The following ARHGAP39 variants were observed in gnomAD, a reference collection of about 807,000 sequenced individuals.
ARHGAP39 encodes the protein rho GTPase-activating protein 39.
Under a neutral mutation model 106.9 loss-of-function variants are expected in ARHGAP39, and 44 were observed. The observed-to-expected ratio is 0.41, with a 90% CI of 0.32 to 0.53. The LOEUF is 0.53. Among genes scored for constraint, ARHGAP39 ranks in the 20% least tolerant of loss-of-function variants. The pLI, the probability that ARHGAP39 is intolerant of heterozygous loss-of-function variation, is 0.21. For missense variants in ARHGAP39, 1,496 were observed against 1,577.3 expected (o/e 0.95, Z 0.87); for synonymous variants, 768 against 693.2 (o/e 1.11, Z -1.69).
chr8:144,588,514 G>T (rs1213104086), intron 2 of ARHGAP39, among the ~76,000 whole-genome samples: 2 of 152,238 alleles, frequency 1.3e-5, no homozygotes, highest in African/African-American at 2.4e-5. Context: ...GCCGTATGCA[G>T]CAGGGACAGA....
chr8:144,570,564 C>G (rs911459001), intron 3 of ARHGAP39, among the ~76,000 whole-genome samples: 1 of 152,160 alleles, frequency 6.6e-6, no homozygotes, highest in African/African-American at 2.4e-5. Context: ...CGATTCCAAA[C>G]TTACGAGTGA....
At position 144,555,687 on chromosome 8, in the gene ARHGAP39, C is replaced by T. The variant is rs115967204; in HGVS notation, c.513-44G>A. 2.2e-3 allele frequency: 3,427 copies of T among 1,545,978 alleles called. 72 individuals are homozygous for T. The African/African-American group carries it at 0.04, about 18-fold the overall frequency. On this transcript the variant is annotated intron_variant, in intron 3 of 11. Transcript: ENST00000377307. ...AAAGAAATATGAATATAAGTGCAAT[C>T]GTTTACCATAACCAGCCACTCCCTG...
rs1821399073 is a variant in ARHGAP39, at chr8:144,644,648, G to A, written c.-81-38953C>T. ...CTCTGAGTCACTTGAAGCGGCATCC[G>A]AGGCCTTCTCTCACTACAGGCCCTT... On this transcript the variant is annotated intron_variant, in intron 1 of 11. Coordinates refer to ENST00000377307, the MANE Select transcript of ARHGAP39 (RefSeq NM_025251.3). This position sits in a 1 kb window ranked among gnomAD's most constrained non-coding sequence, Gnocchi z 4.8. Among the ~76,000 whole-genome samples, 1 of 152,160 alleles carries A rather than the reference G, an allele frequency of 6.6e-6. No individual in the cohort carries two copies. Among genetic ancestry groups the A allele is most frequent in the South Asian group, 2.1e-4 (1 of 4,824 alleles).
intron 1 of ARHGAP39, among the ~76,000 whole-genome samples, chr8:144,621,710 C>G (rs559430134): frequency 6.6e-6 from 1 of 152,302 alleles, no homozygotes; most frequent in African/African-American, 2.4e-5. Flanking sequence ...CCCAGCTACT[C>G]AGGAGGCTGA....
the ARHGAP39 span, among the ~76,000 whole-genome samples, chr8:144,697,173 G>A: frequency 6.6e-6 from 1 of 151,902 alleles, no homozygotes; most frequent in Admixed American, 6.6e-5. Flanking sequence ...AAAAATACAA[G>A]AAAATTAGCC....
Position 144,555,598 on chromosome 8 carries a change from G to A in ARHGAP39, c.558C>T (p.Tyr186=). The part of the protein sequence containing the change: ...GVFLEKDYEI[Y]RDYSADGQLL... Reference sequence around the variant, plus strand: ...GCTGGCCGTCCGCACTGTAATCCCGGTAAATCTCATAGTCCTTCTCAAGGA... The same window carrying A: ...GCTGGCCGTCCGCACTGTAATCCCGATAAATCTCATAGTCCTTCTCAAGGA... The change falls in exon 4 of 12, where the codon TAC becomes TAT. Residue 186 remains tyrosine, a synonymous_variant. Transcript: ENST00000377307. The A allele has an allele frequency of 1.2e-6, 2 of 1,614,036 alleles. No homozygotes were observed. Among genetic ancestry groups the A allele is most frequent in the Non-Finnish European group, 1.7e-6 (2 of 1,180,022 alleles).
chr8:144,555,758 G>A lies in ARHGAP39; in HGVS notation c.513-115C>T, dbSNP rs1263688681. ...CACCTCAATTTCCTGGAAATAACCT[G>A]GCTCCTGCCCCCAGGCTGTATTCTT... On this transcript the variant is annotated intron_variant, in intron 3 of 11. Coordinates refer to ENST00000377307, the MANE Select transcript of ARHGAP39 (RefSeq NM_025251.3). 4.3e-5 allele frequency: 38 copies of A among 883,188 alleles called. No homozygotes were observed. In the Admixed American group the frequency reaches 7.2e-4, roughly 17 times the overall value. The allele number at this position is 883,188 out of a possible 1,614,324, so 54.7% of individuals were successfully genotyped here.
At chr8:144,685,143 G>A (rs1231177514) in intron 1 of ARHGAP39, among the ~76,000 whole-genome samples, 2 of 149,662 alleles carry the variant, frequency 1.3e-5, no homozygotes, top group African/African-American at 5.0e-5. Flanking sequence ...CTAGGGCCGG[G>A]CACACTCACA....
At chr8:144,599,798 G>C (rs556477401) in intron 2 of ARHGAP39, among the ~76,000 whole-genome samples, 1 of 152,346 alleles carries the variant, frequency 6.6e-6, no homozygotes, top group South Asian at 2.1e-4. Flanking sequence ...GTGCACATGA[G>C]GGAATGCAAA....
intron 4 of ARHGAP39, among the ~76,000 whole-genome samples, chr8:144,549,274 C>G (rs1817605507): frequency 6.6e-6 from 1 of 152,262 alleles, no homozygotes; most frequent in Non-Finnish European, 1.5e-5. Flanking sequence ...GCCTGCTGTG[C>G]AGGGCGCTGG....
At chr8:144,546,940 C>T (rs1258680471) in intron 5 of ARHGAP39, among the ~76,000 whole-genome samples, 187 bp downstream of exon 5, 3 of 152,224 alleles carry the variant, frequency 2.0e-5, no homozygotes, top group East Asian at 1.9e-4. Flanking sequence ...GGGGCCTCCT[C>T]GTGGACTCCC....
chr8:144,589,585 G>A (rs940257783), intron 2 of ARHGAP39, among the ~76,000 whole-genome samples: 1 of 152,220 alleles, frequency 6.6e-6, no homozygotes, highest in Non-Finnish European at 1.5e-5. Context: ...CTCTGCCCTA[G>A]GGACTCCCGT....
At chr8:144,602,878 G>A (rs1345665756) in intron 2 of ARHGAP39, among the ~76,000 whole-genome samples, 5 of 138,344 alleles carry the variant, frequency 3.6e-5, no homozygotes, top group South Asian at 2.5e-4. Flanking sequence ...GTGCATGTGT[G>A]TGGTGTGTGT....
At chr8:144,600,002 C>T (rs979567526) in intron 2 of ARHGAP39, among the ~76,000 whole-genome samples, 18 of 152,300 alleles carry the variant, frequency 1.2e-4, no homozygotes, top group Admixed American at 9.2e-4. Context: ...ACTGGGGCAC[C>T]GTGTGTGCTC....
rs1347660322 is a variant in ARHGAP39 at position 144,591,917 on chromosome 8, G to GGGGAGTGGTGCCTGCA, written c.81-10656_81-10641dup. Reference sequence around the variant, plus strand: ...GCTGCCTGTGGGGAGTGGTGCCTGTGGGGAGTGGTGCCTGCAGGGAGTGGT... The same window carrying GGGGAGTGGTGCCTGCA: ...GCTGCCTGTGGGGAGTGGTGCCTGTGGGGAGTGGTGCCTGCAGGGAGTGGTGCCTGCAGGGAGTGGT... On this transcript the variant is annotated intron_variant, in intron 2 of 11. Coordinates refer to ENST00000377307, the MANE Select transcript of ARHGAP39 (RefSeq NM_025251.3). This position sits in a 1 kb window ranked among gnomAD's most constrained non-coding sequence, Gnocchi z 5.3. 2.0e-5 allele frequency among the ~76,000 whole-genome samples: 3 copies of GGGGAGTGGTGCCTGCA among 152,150 alleles called. No homozygotes were observed. The highest frequency in any genetic ancestry group is 2.1e-4 in the South Asian group (1 of 4,810).
At position 144,586,734 on chromosome 8, in the gene ARHGAP39, A is replaced by G. The variant is rs2130908586; in HGVS notation, c.81-5457T>C. ...GCCCAGGGAAGGGGGCCTGGATGACAGCCCAGAAGCAGAAGTGTCCCCAGG... is the reference window on the plus strand; with the variant it reads ...GCCCAGGGAAGGGGGCCTGGATGACGGCCCAGAAGCAGAAGTGTCCCCAGG... On this transcript the variant is annotated intron_variant, in intron 2 of 11. Transcript: ENST00000377307. The surrounding 1 kb of genome is among the most constrained non-coding windows in gnomAD (Gnocchi z 4.2). 6.6e-6 allele frequency among the ~76,000 whole-genome samples: 1 copy of G among 152,348 alleles called. No individual in the cohort carries two copies.
intron 1 of ARHGAP39, among the ~76,000 whole-genome samples, chr8:144,620,126 C>T (rs187172859): frequency 1.9e-4 from 19 of 98,474 alleles, no homozygotes; most frequent in East Asian, 1.4e-3. Flanking sequence ...TGCCCGTGTG[C>T]GTGTGAGCCT....
chr8:144,535,324 A>G (rs1564834303), intron 7 of ARHGAP39, among the ~76,000 whole-genome samples: 1 of 150,884 alleles, frequency 6.6e-6, no homozygotes, highest in East Asian at 1.9e-4. Flanking sequence ...ACCAAAATGA[A>G]TTTTTTTTTT....
intron 3 of ARHGAP39, among the ~76,000 whole-genome samples, chr8:144,559,074 G>A (rs1254631717): frequency 6.6e-5 from 10 of 152,078 alleles, no homozygotes; most frequent in African/African-American, 2.2e-4. Flanking sequence ...CAGGTGTGGT[G>A]GTGGGCACCT....
Sources: allele counts gnomAD v4.1 joint callset (sites outside exome capture counted in the v4.1 genomes callset), GRCh38; gene constraint gnomAD v4.1.1; non-coding constraint Gnocchi (gnomAD v3.1); transcripts MANE v1.5; gene names NCBI Gene and HGNC (gene_info 2026-07-23, HGNC 2026-07-21).